IGFN1: variants seen among roughly 807,000 people sequenced by gnomAD.
The protein encoded by IGFN1 is immunoglobulin like and fibronectin type III domain containing 1.
IGFN1 carries 253 observed loss-of-function variants against 289.5 expected under a neutral mutation model. The ratio of observed to expected loss-of-function variants is 0.87; its 90% CI spans 0.79 to 0.97. The LOEUF is 0.97. IGFN1 is among the 50% of genes least tolerant of loss of function. IGFN1 has a pLI of 0.00. For missense variants in IGFN1, 4,470 were observed against 4,686.1 expected (o/e 0.95, Z 1.35); for synonymous variants, 1,706 against 1,788.5 (o/e 0.95, Z 1.16).
Position 201,205,094 on chromosome 1 carries a change from G to A in IGFN1, c.929G>A (p.Arg310Lys), listed in dbSNP as rs746556247. Residue 310 changes from arginine (R) to lysine (K), a missense_variant, in exon 11 of 24, where the codon AGA (arginine) becomes AAA (lysine). Around this residue, in one of 8 missense-constraint regions of IGFN1, gnomAD observed 2,011 missense variants for 1,953.4 expected, o/e 1.03. Transcript: ENST00000335211. ...TELEASAIPP[R>K]VVVPLAETHC... The stretch of plus-strand genomic sequence containing the variant: ...ATTTCCCCGGCAGCCATCCCCCCAA[G>A]AGTGGTGGTCCCACTGGCGGAGACC... 26 of 1,546,082 alleles carry A rather than the reference G, an allele frequency of 1.7e-5. No individual in the cohort carries two copies. In the South Asian group the frequency reaches 2.6e-4, roughly 16 times the overall value.
Position 201,211,294 on chromosome 1 carries a change from T to C in IGFN1, c.6401T>C (p.Met2134Thr). The change falls in exon 12 of 24, where the codon ATG (methionine) becomes ACG (threonine). Residue 2134 changes from methionine to threonine, a missense_variant. Met to Thr is a moderately conservative substitution (Grantham distance 81, BLOSUM62 -1). Around this residue, in one of 8 missense-constraint regions of IGFN1, gnomAD observed 2,218 missense variants for 2,114.1 expected, o/e 1.05. Coordinates refer to ENST00000335211, the MANE Select transcript of IGFN1 (RefSeq NM_001164586.2). ...FRDGLGSSTEMGSVNEAGYRK... is the reference protein window; with the variant it reads ...FRDGLGSSTETGSVNEAGYRK... The stretch of plus-strand genomic sequence containing the variant: ...GATGGTTTAGGGAGTTCTACAGAAA[T>C]GGGGTCAGTGAATGAGGCAGGTTAT... 1 of 1,529,500 alleles carries C rather than the reference T, an allele frequency of 6.5e-7. No individual in the cohort carries two copies. The highest frequency in any genetic ancestry group is 1.2e-5 in the South Asian group (1 of 83,568). 94.7% of individuals were successfully genotyped at this position (1,529,500 alleles called of 1,614,324 possible). A position where few individuals can be genotyped will look rare whatever the true frequency, so the allele number is the denominator to read the frequency against.
At position 201,211,730 on chromosome 1, in the gene IGFN1, T is replaced by C; in HGVS notation, c.6837T>C (p.Ser2279=). 1 of 1,536,794 alleles carries C rather than the reference T, an allele frequency of 6.5e-7. No individual in the cohort carries two copies. The highest frequency in any genetic ancestry group is 8.7e-7 in the Non-Finnish European group (1 of 1,146,746). ...RNGLGSSGKI[S]SGDEAGYKNV... ...GTTTAGGCAGTTCTGGAAAAATCAG[T>C]TCAGGGGATGAGGCAGGTTATAAGA... The change falls in exon 12 of 24, where the codon AGT becomes AGC. Residue 2279 remains serine (S), a synonymous_variant. Coordinates refer to ENST00000335211, the MANE Select transcript of IGFN1 (RefSeq NM_001164586.2).
At position 201,207,367 on chromosome 1, in the gene IGFN1, C is replaced by A; in HGVS notation, c.2474C>A (p.Ala825Glu). ...CAGGGCTGGACAGCAGGTCACAGAG[C>A]AGCAGGGGGTATTGGCAGAATAGAA... is the stretch of plus-strand genomic sequence containing the variant. ...SSQGWTAGHRAAGGIGRIESK... is the reference protein window; with the variant it reads ...SSQGWTAGHREAGGIGRIESK... Residue 825 changes from alanine (A) to glutamate (E), a missense_variant, in exon 12 of 24, where the codon GCA becomes GAA. Ala to Glu is a moderately radical substitution (Grantham distance 107, BLOSUM62 -1). This residue lies in a region of IGFN1 where 2,011 missense variants were observed against 1,953.4 expected (regional missense o/e 1.03). Coordinates refer to ENST00000335211, the MANE Select transcript of IGFN1 (RefSeq NM_001164586.2). The A allele has an allele frequency of 2.0e-6, 3 of 1,536,896 alleles. 1 individual carries two copies. Among genetic ancestry groups the A allele is most frequent in the South Asian group, 2.4e-5 (2 of 84,036 alleles).
chr1:201,219,674 G>A (rs1476101923), intron 18 of IGFN1, among the ~76,000 whole-genome samples: 1 of 152,240 alleles, frequency 6.6e-6, no homozygotes, highest in East Asian at 1.9e-4. Flanking sequence ...GGGCCAGGTG[G>A]TCAACACCTG....
rs367959966 is a variant in IGFN1 at position 201,216,445 on chromosome 1, G to C, written c.9296-9G>C. 24 of 1,538,372 alleles carry C rather than the reference G, an allele frequency of 1.6e-5. No individual in the cohort carries two copies. The highest frequency in any genetic ancestry group is 1.8e-5 in the Non-Finnish European group (21 of 1,146,830). ...CCTCCTCTTCCCGCTCCTCTCTGTG[G>C]GTCCCCAGACAAGCCTGATCCCCCA... On this transcript the variant is annotated splice_polypyrimidine_tract_variant and intron_variant, in intron 15 of 23. Transcript: ENST00000335211.
chr1:201,225,777 C>A, intron 21 of IGFN1, 47 bp from the exon 22 acceptor site: 1 of 1,545,638 alleles, frequency 6.5e-7, no homozygotes, highest in Non-Finnish European at 8.7e-7. Context: ...GGTAGCAGCC[C>A]TGCTGGGTCC....
In IGFN1 at chr1:201,208,372, GC is replaced by G; in HGVS notation, c.3480del (p.Ser1160ArgfsTer151). ...GGACCAGGGTCTCTGAGGGCAGGAA[GC>G]AAAGTGGGTGAGGGGGATGGGACAA... ...AMGPGSLRAG[S>X]KVGEGDGTRC... On this transcript the variant is annotated frameshift_variant, in exon 12 of 24. Transcript: ENST00000335211. LOFTEE classifies it high-confidence loss of function. The G allele has an allele frequency of 2.1e-6, 3 of 1,460,242 alleles. No homozygotes were observed. The highest frequency in any genetic ancestry group is 2.7e-6 in the Non-Finnish European group (3 of 1,115,824). The allele number at this position is 1,460,242 out of a possible 1,614,324, so 90.5% of individuals were successfully genotyped here. A position where few individuals can be genotyped will look rare whatever the true frequency, so the allele number is the denominator to read the frequency against.
Position 201,211,854 on chromosome 1 carries a change from G to T in IGFN1, c.6961G>T (p.Gly2321Cys), listed in dbSNP as rs774834016. ...GTACATTTTGTCATGGAATGAGGCA[G>T]GTTCTAGGCAAGGCTTTGGGGGAAC... ...SGYILSWNEA[G>C]SRQGFGGTSG... Residue 2321 changes from glycine (G) to cysteine (C), a missense_variant, in exon 12 of 24, where the codon GGT (glycine) becomes TGT (cysteine). Around this residue, in one of 8 missense-constraint regions of IGFN1, gnomAD observed 2,218 missense variants for 2,114.1 expected, o/e 1.05. Transcript: ENST00000335211. 9 of 1,535,516 alleles carry T rather than the reference G, an allele frequency of 5.9e-6. No individual in the cohort carries two copies. In the African/African-American group the frequency reaches 1.2e-4, roughly 21 times the overall value.
chr1:201,202,747 CCCTCCCTTCCTTCCTT>C (rs1360021294), intron 9 of IGFN1, among the ~76,000 whole-genome samples: 2 of 58,764 alleles, frequency 3.4e-5, no homozygotes, highest in East Asian at 4.3e-4. Flanking sequence ...CTCCCTCCCT[CCCTCCCTTCCTTCCTT>C]CCTTCCTTCC....
chr1:201,213,339 A>G lies in IGFN1; in HGVS notation c.8446A>G (p.Arg2816Gly). The G allele has an allele frequency of 1.9e-6, 3 of 1,602,018 alleles. No homozygotes were observed. Among genetic ancestry groups the G allele is most frequent in the Non-Finnish European group, 2.6e-6 (3 of 1,174,340 alleles). ...GTCAGGCAGGAGGCCTGGCTCACTC[A>G]GGAGCAGGTCTCAGGCACAGTCAGG... ...GRSGRRPGSL[R>G]SRSQAQSGAE... is the part of the protein sequence containing the mutation. Residue 2816 changes from arginine to glycine, a missense_variant, in exon 12 of 24, where the codon AGG becomes GGG. Transcript: ENST00000335211.
Position 201,213,418 on chromosome 1 carries a change from G to A in IGFN1, c.8525G>A (p.Gly2842Glu), listed in dbSNP as rs1420593360. ...GGAGCAGACGAGGCTGGAAGCATGGGGTGGCAGCCTATGGGAGAGAACTGG... is the reference window on the plus strand; with the variant it reads ...GGAGCAGACGAGGCTGGAAGCATGGAGTGGCAGCCTATGGGAGAGAACTGG... Reference protein sequence around the residue: ...RRGADEAGSMGWQPMGENWGC... With the variant: ...RRGADEAGSMEWQPMGENWGC... The change falls in exon 12 of 24, where the codon GGG (glycine) becomes GAG (glutamate). Residue 2842 changes from glycine to glutamate, a missense_variant. Coordinates refer to ENST00000335211, the MANE Select transcript of IGFN1 (RefSeq NM_001164586.2). 5 of 1,613,954 alleles carry A rather than the reference G, an allele frequency of 3.1e-6. No individual in the cohort carries two copies. The highest frequency in any genetic ancestry group is 1.7e-5 in the Admixed American group (1 of 59,996).
In IGFN1 at chr1:201,200,362, T is replaced by G. The variant is rs1667098537; in HGVS notation, c.584T>G (p.Leu195Trp). 1.3e-6 allele frequency: 2 copies of G among 1,551,820 alleles called. No individual in the cohort carries two copies. Among genetic ancestry groups the G allele is most frequent in the East Asian group, 4.9e-5 (2 of 40,924 alleles). Reference protein sequence around the residue: ...KYGIVDYRGMLRRLQEMKKEQ... With the variant: ...KYGIVDYRGMWRRLQEMKKEQ... ...GGCATCGTCGACTACCGTGGCATGT[T>G]GCGCAGGCTGCAGGAGATGAAGAAG... The change falls in exon 8 of 24, where the codon TTG becomes TGG. Residue 195 changes from leucine (L) to tryptophan (W), a missense_variant. Coordinates refer to ENST00000335211, the MANE Select transcript of IGFN1 (RefSeq NM_001164586.2).
rs1268757703 is a variant in IGFN1, at chr1:201,222,844, G to C, written c.10290+17G>C. On this transcript the variant is annotated intron_variant, in intron 20 of 23. Coordinates refer to ENST00000335211, the MANE Select transcript of IGFN1 (RefSeq NM_001164586.2). ...TCCTTTGAAGTGAGTGTACCTGCAG[G>C]GGTGTGGGGAGGGAAGCCCAGAGAG... 2 of 1,591,118 alleles carry C rather than the reference G, an allele frequency of 1.3e-6. No individual in the cohort carries two copies. Among genetic ancestry groups the C allele is most frequent in the Non-Finnish European group, 1.7e-6 (2 of 1,161,546 alleles).
Position 201,213,588 on chromosome 1 carries a change from C to T in IGFN1, c.8695C>T (p.Pro2899Ser). 6.2e-7 allele frequency: 1 copy of T among 1,613,906 alleles called. No individual in the cohort carries two copies. The highest frequency in any genetic ancestry group is 8.5e-7 in the Non-Finnish European group (1 of 1,179,888). The stretch of plus-strand genomic sequence containing the variant: ...CCGGAGTTCCACATCCAGATACAAG[C>T]CTGGCACTGGCAGTTTCTCCAAGGA... ...ATRSSTSRYK[P>S]GTGSFSKDAQ... is the part of the protein sequence containing the mutation. The change falls in exon 12 of 24, where the codon CCT becomes TCT. Residue 2899 changes from proline to serine, a missense_variant. Coordinates refer to ENST00000335211, the MANE Select transcript of IGFN1 (RefSeq NM_001164586.2).
At chr1:201,199,566 C>A in intron 6 of IGFN1, 43 bp from the exon 7 acceptor site, 1 of 1,534,982 alleles carries the variant, frequency 6.5e-7, no homozygotes, top group Non-Finnish European at 8.8e-7. Flanking sequence ...AACCCTCAGT[C>A]ATCCCACCTG....
chr1:201,193,169 C>G (rs779366642), intron 1 of IGFN1, 78 bp from the exon 2 acceptor site: 24 of 712,754 alleles, frequency 3.4e-5, no homozygotes, highest in Non-Finnish European at 5.0e-5. Context: ...CAGACATTGG[C>G]TGATGCACTG....
chr1:201,219,689 G>A (rs562918168), intron 18 of IGFN1, among the ~76,000 whole-genome samples: 1 of 152,252 alleles, frequency 6.6e-6, no homozygotes, highest in Non-Finnish European at 1.5e-5. Context: ...CACCTGGAGA[G>A]CATCTCTGTG....
rs533471332 is a variant in IGFN1 at position 201,203,936 on chromosome 1, T to A, written c.916+30T>A. ...GTGGTCTACACTGCCGAAGTTGGAG[T>A]TGGGGAGATATGTTAGAAATGGAGT... is the stretch of plus-strand genomic sequence containing the variant. On this transcript the variant is annotated intron_variant, in intron 10 of 23. Transcript: ENST00000335211. 10 of 1,533,458 alleles carry A rather than the reference T, an allele frequency of 6.5e-6. No homozygotes were observed. The Admixed American group carries it at 1.6e-4, about 25-fold the overall frequency. 95.0% of individuals were successfully genotyped at this position (1,533,458 alleles called of 1,614,324 possible). A position where few individuals can be genotyped will look rare whatever the true frequency, so the allele number is the denominator to read the frequency against.
At chr1:201,219,887 C>A (rs1011781859) in intron 18 of IGFN1, among the ~76,000 whole-genome samples, 4 of 152,166 alleles carry the variant, frequency 2.6e-5, no homozygotes, top group African/African-American at 9.7e-5. Context: ...ATGGACCAAG[C>A]CTGTCCTATC....
Sources: gnomAD v4.1 joint callset for allele counts (sites outside exome capture counted in the v4.1 genomes callset) on GRCh38, gnomAD v4.1.1 for gene constraint, gnomAD v4.1.1 regional missense constraint, MANE v1.5 for transcripts, NCBI Gene and HGNC (gene_info 2026-07-23, HGNC 2026-07-21) for gene names.